AATK: variants seen among roughly 807,000 people sequenced by gnomAD.
The protein encoded by AATK is serine/threonine-protein kinase LMTK1.
AATK carries 91 observed loss-of-function variants against 114.3 expected under a neutral mutation model. The ratio of observed to expected loss-of-function variants is 0.80; its 90% CI spans 0.67 to 0.95. The LOEUF (loss-of-function observed/expected upper bound fraction) is 0.95, where lower values mean the gene tolerates loss of function less well. Ranked by LOEUF, AATK falls within the 40% of genes least tolerant of loss-of-function variation. AATK has a pLI of 0.00. For synonymous variants in AATK, 1,075 were observed against 916.5 expected (o/e 1.17, Z -3.12); for missense variants, 2,176 against 1,965.2 (o/e 1.11, Z -2.03).
chr17:81,158,941 A>G (rs1351748476), intron 1 of AATK, among the ~76,000 whole-genome samples: 3 of 152,194 alleles, frequency 2.0e-5, no homozygotes, highest in Non-Finnish European at 4.4e-5. Context: ...TGGGGCCGCT[A>G]TACACACAGC....
intron 1 of AATK, among the ~76,000 whole-genome samples, chr17:81,139,395 G>A (rs946571033): frequency 1.3e-5 from 2 of 152,216 alleles, no homozygotes; most frequent in Non-Finnish European, 2.9e-5. Flanking sequence ...GGGGTACCTG[G>A]GACCTCAGCC....
At chr17:81,119,711 A>T (rs1249022260) in intron 12 of AATK, 131 bp from the exon 13 acceptor site, 2 of 880,954 alleles carry the variant, frequency 2.3e-6, no homozygotes, top group Non-Finnish European at 2.9e-6. Context: ...CCATGATGTC[A>T]CGGGCCCAGG....
chr17:81,156,928 G>A (rs1011133561), intron 1 of AATK, among the ~76,000 whole-genome samples: 4 of 52,088 alleles, frequency 7.7e-5, no homozygotes, highest in African/African-American at 2.7e-4. Context: ...AGGGCCCTGG[G>A]CGGGGTACGG....
chr17:81,153,740 C>A (rs9893129), intron 1 of AATK, among the ~76,000 whole-genome samples: 1,993 of 152,256 alleles, frequency 0.013, 53 homozygotes, highest in African/African-American at 0.046. Flanking sequence ...ACAGGAGAAT[C>A]TAATAGGAAT....
At chr17:81,138,484 C>T (rs1380172499) in intron 1 of AATK, among the ~76,000 whole-genome samples, 1 of 147,922 alleles carries the variant, frequency 6.8e-6, no homozygotes, top group Admixed American at 6.8e-5. Context: ...TGCACACATG[C>T]ATGCACACAC....
At chr17:81,130,004 G>A (rs1346644116) in intron 3 of AATK, among the ~76,000 whole-genome samples, 5 of 152,228 alleles carry the variant, frequency 3.3e-5, no homozygotes, top group Non-Finnish European at 7.3e-5. Context: ...CCCTCTCTAG[G>A]TCCCAGACCA....
Position 81,124,708 on chromosome 17 carries a change from C to A in AATK, c.962+19G>T. On this transcript the variant is annotated intron_variant, in intron 9 of 13. Coordinates refer to ENST00000326724, the MANE Select transcript of AATK (RefSeq NM_001080395.3). ...CACTCGGCCTCGGCCCCTCACGGTG[C>A]CACCAGGGCCGCACTCACCACACAT... is the stretch of plus-strand genomic sequence containing the variant. The A allele has an allele frequency of 6.2e-7, 1 of 1,608,572 alleles. No individual in the cohort carries two copies. Among genetic ancestry groups the A allele is most frequent in the South Asian group, 1.1e-5 (1 of 90,926 alleles).
At chr17:81,138,251 GCA>G (rs139296233) in intron 1 of AATK, among the ~76,000 whole-genome samples, 5,328 of 134,922 alleles carry the variant, frequency 0.039, 141 homozygotes, top group South Asian at 0.12. Flanking sequence ...CCACACACAT[GCA>G]CAGAGACATA....
At chr17:81,138,564 A>ACCC (rs1429407954) in intron 1 of AATK, among the ~76,000 whole-genome samples, 1 of 142,704 alleles carries the variant, frequency 7.0e-6, no homozygotes, top group Non-Finnish European at 1.5e-5. Flanking sequence ...GTGCACACAT[A>ACCC]CCCCCACACG....
chr17:81,150,981 G>A (rs905800788), intron 1 of AATK, among the ~76,000 whole-genome samples: 16 of 152,196 alleles, frequency 1.1e-4, no homozygotes, highest in African/African-American at 2.7e-4. Flanking sequence ...GGTCCCCATT[G>A]TCTGTTACGA....
At chr17:81,137,060 C>A (rs1384143606) in intron 1 of AATK, among the ~76,000 whole-genome samples, 1 of 152,030 alleles carries the variant, frequency 6.6e-6, no homozygotes, top group East Asian at 1.9e-4. Flanking sequence ...GAGTTCGAGA[C>A]CAGCCTGGCC....
In AATK at chr17:81,127,565, C is replaced by A; in HGVS notation, c.621+18G>T. ...CGGCTCAGCAAAGACCCCAGCATCC[C>A]CCCGGGCAGCAGCTCACCAGTGGGC... On this transcript the variant is annotated intron_variant, in intron 6 of 13. Coordinates refer to ENST00000326724, the MANE Select transcript of AATK (RefSeq NM_001080395.3). The A allele has an allele frequency of 6.3e-7, 1 of 1,582,378 alleles. No homozygotes were observed. The highest frequency in any genetic ancestry group is 2.3e-5 in the East Asian group (1 of 43,036).
Position 81,122,045 on chromosome 17 carries a change from C to T in AATK, c.1891G>A (p.Val631Met), listed in dbSNP as rs368788026. ...AAGAAGGCAGGACAGAAGGCGGCCA[C>T]GCCCCAGTCTGCATCCTCCGCTCCT... ...EGGAEDADWGVAAFCPAFFED... is the reference protein window; with the variant it reads ...EGGAEDADWGMAAFCPAFFED... Residue 631 changes from valine (V) to methionine (M), a missense_variant, in exon 11 of 14, where the codon GTG (valine) becomes ATG (methionine). Transcript: ENST00000326724. The T allele has an allele frequency of 5.0e-6, 8 of 1,597,478 alleles. No individual in the cohort carries two copies. The highest frequency in any genetic ancestry group is 1.7e-4 in the Middle Eastern group (1 of 6,026).
At chr17:81,155,071 C>T (rs186019388) in intron 1 of AATK, among the ~76,000 whole-genome samples, 1 of 152,296 alleles carries the variant, frequency 6.6e-6, no homozygotes, top group Non-Finnish European at 1.5e-5. Flanking sequence ...GCACTTTTTG[C>T]GTGTTTGACT....
At chr17:81,141,241 G>A (rs778779803) in intron 1 of AATK, among the ~76,000 whole-genome samples, 6 of 152,156 alleles carry the variant, frequency 3.9e-5, no homozygotes, top group African/African-American at 9.7e-5. Flanking sequence ...CCTGAGGTTA[G>A]GAGTTCAAGA....
In AATK at chr17:81,121,808, T is replaced by G. The variant is rs771638560; in HGVS notation, c.2128A>C (p.Ser710Arg). ...SAGGHAEGCP[S>R]PKQTPRASPE... The stretch of plus-strand genomic sequence containing the variant: ...GAGGCCCGTGGGGTCTGCTTTGGAC[T>G]GGGGCAGCCCTCAGCGTGGCCGCCC... The change falls in exon 11 of 14, where the codon AGT (serine) becomes CGT (arginine). Residue 710 changes from serine to arginine, a missense_variant. By Grantham distance (110) the Ser-to-Arg change is moderately radical. Transcript: ENST00000326724. The G allele has an allele frequency of 4.5e-5, 71 of 1,583,278 alleles. No individual in the cohort carries two copies. The highest frequency in any genetic ancestry group is 5.9e-5 in the Non-Finnish European group (69 of 1,171,032).
intron 3 of AATK, among the ~76,000 whole-genome samples, chr17:81,129,775 C>G (rs1466076586): frequency 1.3e-5 from 2 of 152,196 alleles, no homozygotes; most frequent in Non-Finnish European, 2.9e-5. Context: ...CAGCTCCCAG[C>G]AGGGTCAGCA....
intron 2 of AATK, chr17:81,131,813 A>G (rs962352901): frequency 2.3e-5 from 30 of 1,280,538 alleles, no homozygotes; most frequent in African/African-American, 3.1e-5. Flanking sequence ...AGAAGCAATT[A>G]AGTGCCCCCA....
Position 81,121,113 on chromosome 17 carries a change from G to A in AATK, c.2823C>T (p.Thr941=), listed in dbSNP as rs745624768. 24 of 1,604,764 alleles carry A rather than the reference G, an allele frequency of 1.5e-5. No individual in the cohort carries two copies. The highest frequency in any genetic ancestry group is 3.3e-4 in the Middle Eastern group (2 of 6,072). Residue 941 remains threonine (T), a synonymous_variant, in exon 11 of 14, where the codon ACC becomes ACT. Coordinates refer to ENST00000326724, the MANE Select transcript of AATK (RefSeq NM_001080395.3). ...QPRALDSGYD[T]ENYESPEFVL... ...CAAACTCAGGGGACTCATAGTTCTC[G>A]GTGTCATAGCCACTGTCCAGCGCTC... is the stretch of plus-strand genomic sequence containing the variant.
Sources: gnomAD v4.1 joint callset for allele counts (sites outside exome capture counted in the v4.1 genomes callset) on GRCh38, gnomAD v4.1.1 for gene constraint, MANE v1.5 for transcripts, NCBI Gene and HGNC (gene_info 2026-07-23, HGNC 2026-07-21) for gene names.